The following KSR2 variants were observed in gnomAD, a reference collection of about 807,000 sequenced individuals.
KSR2 encodes the protein kinase suppressor of ras 2.
Under a neutral mutation model 107.8 loss-of-function variants are expected in KSR2, and 25 were observed. The ratio of observed to expected loss-of-function variants is 0.23; its 90% CI spans 0.17 to 0.32. The LOEUF (loss-of-function observed/expected upper bound fraction) is 0.32. Ranked by LOEUF, KSR2 falls within the 10% of genes least tolerant of loss-of-function variation. KSR2 has a pLI of 1.00. For missense variants in KSR2, 887 were observed against 1,268.9 expected (o/e 0.70, Z 4.57); for synonymous variants, 480 against 507.0 (o/e 0.95, Z 0.71).
chr12:117,697,586 A>G (rs996345612), intron 4 of KSR2, among the ~76,000 whole-genome samples: 1 of 152,078 alleles, frequency 6.6e-6, no homozygotes, highest in Non-Finnish European at 1.5e-5. Flanking sequence ...CTGAAAATAC[A>G]AGAATTAGCC....
intron 3 of KSR2, among the ~76,000 whole-genome samples, chr12:117,797,810 C>T (rs1267843167): frequency 6.6e-6 from 1 of 150,952 alleles, no homozygotes. Flanking sequence ...TGCGCACAAT[C>T]ATGCCTGGCT....
intron 3 of KSR2, among the ~76,000 whole-genome samples, chr12:117,848,841 G>GTGATGGTGATGGTGA (rs1892812305): frequency 1.4e-5 from 2 of 141,780 alleles, no homozygotes; most frequent in Non-Finnish European, 3.1e-5. Context: ...GGTAGTGGTG[G>GTGATGGTGATGGTGA]TGATGGTGAT....
intron 3 of KSR2, among the ~76,000 whole-genome samples, chr12:117,771,296 C>T (rs747715853): frequency 2.0e-5 from 3 of 152,158 alleles, no homozygotes; most frequent in Non-Finnish European, 4.4e-5. Context: ...AGAATGCAAT[C>T]GTTTGTCTCT....
chr12:117,822,453 C>A (rs1593270722), intron 3 of KSR2, among the ~76,000 whole-genome samples: 1 of 152,052 alleles, frequency 6.6e-6, no homozygotes, highest in Non-Finnish European at 1.5e-5. Context: ...GGGGTTACGT[C>A]CAGAAAAACA....
Position 117,794,284 on chromosome 12 carries a change from T to C in KSR2, c.473-32760A>G, listed in dbSNP as rs1308145413. On this transcript the variant is annotated intron_variant, in intron 3 of 19. Transcript: ENST00000339824. Reference sequence around the variant, plus strand: ...ACACCAACATGCACACACACCAACATGCACTCACACACCAACATGCACACA... The same window carrying C: ...ACACCAACATGCACACACACCAACACGCACTCACACACCAACATGCACACA... 1.0e-4 allele frequency among the ~76,000 whole-genome samples: 6 copies of C among 58,454 alleles called. 1 individual carries two copies. Among genetic ancestry groups the C allele is most frequent in the Admixed American group, 2.3e-4 (1 of 4,324 alleles). 38.3% of individuals were successfully genotyped at this position (58,454 alleles called of 152,430 possible). A position where few individuals can be genotyped will look rare whatever the true frequency, so the allele number is the denominator to read the frequency against.
intron 3 of KSR2, among the ~76,000 whole-genome samples, chr12:117,831,148 G>A (rs1891948895): frequency 1.3e-5 from 2 of 152,298 alleles, no homozygotes; most frequent in South Asian, 4.1e-4. Flanking sequence ...TGTTCGGGCA[G>A]AACTTGCTTC....
At chr12:117,932,146 G>C (rs1008218288) in intron 1 of KSR2, among the ~76,000 whole-genome samples, 4 of 152,058 alleles carry the variant, frequency 2.6e-5, no homozygotes, top group Admixed American at 2.6e-4. Flanking sequence ...AATTAGCTGG[G>C]CATGATGGTG....
intron 5 of KSR2, among the ~76,000 whole-genome samples, chr12:117,640,134 G>A (rs1983335): frequency 0.14 from 20,879 of 152,120 alleles, 1,845 homozygotes; most frequent in African/African-American, 0.25. Context: ...GCCAACTGAC[G>A]GGTGGCCTTT....
chr12:117,691,093 A>G (rs1362850164), intron 4 of KSR2, among the ~76,000 whole-genome samples: 3 of 152,242 alleles, frequency 2.0e-5, no homozygotes, highest in Admixed American at 6.5e-5. Context: ...TGGGTTGACA[A>G]TGTTGCAAAA....
chr12:117,731,408 G>T (rs1887695584), intron 4 of KSR2, among the ~76,000 whole-genome samples: 1 of 147,766 alleles, frequency 6.8e-6, no homozygotes, highest in African/African-American at 2.5e-5. Flanking sequence ...CCCCGTCCGG[G>T]AGGGAGGTGG....
intron 4 of KSR2, among the ~76,000 whole-genome samples, chr12:117,683,709 C>T (rs1289705828): frequency 6.6e-6 from 1 of 152,176 alleles, no homozygotes; most frequent in Non-Finnish European, 1.5e-5. Flanking sequence ...AATACATATT[C>T]CCCTCTTGTC....
At chr12:117,954,178 G>A (rs932120450) in intron 1 of KSR2, among the ~76,000 whole-genome samples, 1 of 152,132 alleles carries the variant, frequency 6.6e-6, no homozygotes, top group Non-Finnish European at 1.5e-5. Context: ...TGAGCTTGAT[G>A]AGGTAGCACT....
chr12:117,722,240 C>A (rs538504129), intron 4 of KSR2, among the ~76,000 whole-genome samples: 1 of 152,112 alleles, frequency 6.6e-6, no homozygotes, highest in African/African-American at 2.4e-5. Context: ...ACAATGCAGG[C>A]CTAGACATTT....
In KSR2 at chr12:117,667,611, A is replaced by G. The variant is rs1884719282; in HGVS notation, c.1034T>C (p.Val345Ala). 3.7e-6 allele frequency: 6 copies of G among 1,612,010 alleles called. No individual in the cohort carries two copies. The highest frequency in any genetic ancestry group is 5.1e-6 in the Non-Finnish European group (6 of 1,179,100). ...KPLNLKIHSS[V>A]GSCENIPSQQ... ...AGAGGGGATGTTCTCGCAGCTGCCT[A>G]CGCTGCTGTGGATCTTGAGGTTCAA... The change falls in exon 5 of 20, where the codon GTA becomes GCA. Residue 345 changes from valine to alanine, a missense_variant. Transcript: ENST00000339824.
At chr12:117,857,031 T>C (rs1342773875) in intron 2 of KSR2, among the ~76,000 whole-genome samples, 1 of 152,020 alleles carries the variant, frequency 6.6e-6, no homozygotes, top group Non-Finnish European at 1.5e-5. Flanking sequence ...TTAAGAAAGG[T>C]GATGACCACG....
chr12:117,877,367 T>C (rs1249799392), intron 1 of KSR2, among the ~76,000 whole-genome samples: 2 of 152,166 alleles, frequency 1.3e-5, no homozygotes, highest in African/African-American at 4.8e-5. Context: ...TGGGACATTT[T>C]ACTTTTTAAA....
chr12:117,623,600 G>A (rs1421028842), intron 5 of KSR2, among the ~76,000 whole-genome samples: 3 of 152,198 alleles, frequency 2.0e-5, no homozygotes, highest in African/African-American at 7.2e-5. Flanking sequence ...TGGTGTATAT[G>A]TGCCACATTT....
chr12:117,943,967 A>C (rs1896095721), intron 1 of KSR2, among the ~76,000 whole-genome samples: 1 of 152,086 alleles, frequency 6.6e-6, no homozygotes, highest in Non-Finnish European at 1.5e-5. Context: ...ACCTTTTGCC[A>C]TGATTGTGCC....
intron 1 of KSR2, among the ~76,000 whole-genome samples, chr12:117,900,656 C>A (rs1307249278): frequency 2.0e-5 from 3 of 152,162 alleles, no homozygotes; most frequent in Admixed American, 2.0e-4. Context: ...CAACTTACAA[C>A]TTGTAACCCA....
Sources: gnomAD v4.1 joint callset for allele counts (sites outside exome capture counted in the v4.1 genomes callset) on GRCh38, gnomAD v4.1.1 for gene constraint, MANE v1.5 for transcripts, NCBI Gene and HGNC (gene_info 2026-07-23, HGNC 2026-07-21) for gene names.